The following WWOX variants were observed in gnomAD, a reference collection of about 807,000 sequenced individuals.
WWOX encodes WW domain-containing oxidoreductase.
WWOX carries 69 observed loss-of-function variants against 46.2 expected under a neutral mutation model. That is an observed-to-expected ratio of 1.49 (90% CI 1.23 to 1.82). The LOEUF (loss-of-function observed/expected upper bound fraction) is 1.82. Ranked by LOEUF, WWOX falls within the 40% of genes most tolerant of loss-of-function variation. WWOX has a pLI of 0.00. For synonymous variants in WWOX, 359 were observed against 202.6 expected, an observed-to-expected ratio of 1.77 and a Z score of -6.56; for missense variants, 919 against 542.6, an observed-to-expected ratio of 1.69 and a Z score of -6.89.
chr16:79,025,403 G>A (rs2047617926), intron 8 of WWOX, among the ~76,000 whole-genome samples: 1 of 152,196 alleles, frequency 6.6e-6, no homozygotes, highest in Non-Finnish European at 1.5e-5. Context: ...TCAAAACGAG[G>A]TCATCTTGGG....
At chr16:78,425,178 C>T (rs1368681882) in intron 7 of WWOX, 123 bp downstream of exon 7, 4 of 1,306,206 alleles carry the variant, frequency 3.1e-6, no homozygotes, top group Non-Finnish European at 4.3e-6. Flanking sequence ...GTGGACTCAG[C>T]TTGGCTCACT....
chr16:78,505,209 A>G (rs1440052647), intron 8 of WWOX, among the ~76,000 whole-genome samples: 1 of 152,164 alleles, frequency 6.6e-6, no homozygotes, highest in Non-Finnish European at 1.5e-5. Context: ...TCCCAAATGA[A>G]TTCTAATCGT....
intron 8 of WWOX, chr16:79,101,473 A>G (rs151025868): frequency 1.4e-4 from 22 of 152,278 alleles, no homozygotes; most frequent in African/African-American, 4.8e-4. Flanking sequence ...TTTGGGAGAG[A>G]TTCTTTCAAA....
intron 8 of WWOX, among the ~76,000 whole-genome samples, chr16:78,651,618 A>G (rs2046967673): frequency 2.0e-5 from 3 of 152,140 alleles, no homozygotes; most frequent in Non-Finnish European, 2.9e-5. Flanking sequence ...CCTCAGTGCT[A>G]TTGCTCACAC....
At chr16:78,534,494 C>T (rs1472136411) in intron 8 of WWOX, 1 of 152,148 alleles carries the variant, frequency 6.6e-6, no homozygotes, top group Admixed American at 6.5e-5. Context: ...CATCTCATTT[C>T]TGCCTTTAAA....
At chr16:79,081,153 G>T (rs972145312) in intron 8 of WWOX, among the ~76,000 whole-genome samples, 2 of 152,094 alleles carry the variant, frequency 1.3e-5, no homozygotes, top group African/African-American at 4.8e-5. Flanking sequence ...GGAGTGTGGG[G>T]TGCTGAGAGA....
chr16:79,044,600 A>G (rs1445044300), intron 8 of WWOX, among the ~76,000 whole-genome samples: 1 of 152,192 alleles, frequency 6.6e-6, no homozygotes, highest in Non-Finnish European at 1.5e-5. Context: ...AGCTGCCAGT[A>G]TCATGTTTCC....
At chr16:78,101,346 C>CTTTTT (rs71137871) in intron 1 of WWOX, among the ~76,000 whole-genome samples, 2,351 of 66,802 alleles carry the variant, frequency 0.035, 276 homozygotes, top group African/African-American at 0.1. Flanking sequence ...CGCTCCCGGC[C>CTTTTT]TTTTTTTTTT....
chr16:79,113,251 G>A (rs1390541242), intron 8 of WWOX, among the ~76,000 whole-genome samples: 18 of 152,224 alleles, frequency 1.2e-4, no homozygotes, highest in Admixed American at 3.9e-4. Context: ...AGCCATCCCA[G>A]GGTGCGTTAG....
At position 78,940,353 on chromosome 16, in the gene WWOX, A is replaced by T. The variant is rs552197234; in HGVS notation, c.1057-271255A>T. Among the ~76,000 whole-genome samples the T allele has an allele frequency of 3.9e-5, 6 of 152,336 alleles. No individual in the cohort carries two copies. In the East Asian group the frequency reaches 1.2e-3, roughly 29 times the overall value. Reference sequence around the variant, plus strand: ...ATAGAAGAAGAAAAATAAATATGCAAAACAGTGGTAGATTTTTAATGGGGT... The same window carrying T: ...ATAGAAGAAGAAAAATAAATATGCATAACAGTGGTAGATTTTTAATGGGGT... On this transcript the variant is annotated intron_variant, in intron 8 of 8. Coordinates refer to ENST00000566780, the MANE Select transcript of WWOX (RefSeq NM_016373.4).
At chr16:78,222,353 A>AT (rs2151798945) in intron 5 of WWOX, among the ~76,000 whole-genome samples, 1 of 151,604 alleles carries the variant, frequency 6.6e-6, no homozygotes, top group South Asian at 2.1e-4. Flanking sequence ...AGAAAAAAAA[A>AT]AAAAAAAGGA....
intron 5 of WWOX, among the ~76,000 whole-genome samples, chr16:78,316,150 C>A (rs2080352332): frequency 6.6e-6 from 1 of 152,108 alleles, no homozygotes; most frequent in Non-Finnish European, 1.5e-5. Flanking sequence ...GAGGCTGGGT[C>A]AGGAGAATCG....
chr16:78,835,965 C>G (rs971236471), intron 8 of WWOX, among the ~76,000 whole-genome samples: 1 of 152,148 alleles, frequency 6.6e-6, no homozygotes, highest in African/African-American at 2.4e-5. Context: ...ATGTTACTAC[C>G]TAAGCTGCCA....
At chr16:78,663,617 C>G (rs1044857281) in intron 8 of WWOX, among the ~76,000 whole-genome samples, 1 of 152,120 alleles carries the variant, frequency 6.6e-6, no homozygotes, top group Non-Finnish European at 1.5e-5. Context: ...TCCAATATCT[C>G]TTTATGGCAT....
At chr16:78,179,393 T>C (rs1357684238) in intron 5 of WWOX, among the ~76,000 whole-genome samples, 1 of 152,182 alleles carries the variant, frequency 6.6e-6, no homozygotes, top group East Asian at 1.9e-4. Flanking sequence ...AAGGACTTTC[T>C]GAGATCATCC....
intron 5 of WWOX, among the ~76,000 whole-genome samples, chr16:78,352,646 A>G (rs550807526): frequency 1.4e-4 from 21 of 152,362 alleles, no homozygotes; most frequent in African/African-American, 4.6e-4. Flanking sequence ...CCAATTAGCA[A>G]TCTTAATGCC....
intron 5 of WWOX, among the ~76,000 whole-genome samples, chr16:78,329,706 G>A (rs2080712408): frequency 6.6e-6 from 1 of 151,954 alleles, no homozygotes; most frequent in Non-Finnish European, 1.5e-5. Context: ...TACATGGGGA[G>A]GTCTGTTTTA....
intron 8 of WWOX, among the ~76,000 whole-genome samples, chr16:79,169,113 C>G (rs2050651203): frequency 6.6e-6 from 1 of 152,176 alleles, no homozygotes; most frequent in Non-Finnish European, 1.5e-5. Flanking sequence ...CTCCACTTCA[C>G]AATTCTGAAA....
chr16:78,814,415 C>G (rs370786668), intron 8 of WWOX, among the ~76,000 whole-genome samples: 10 of 152,084 alleles, frequency 6.6e-5, no homozygotes, highest in Admixed American at 5.9e-4. Context: ...TTTCTGTAAT[C>G]CTTACATCCC....
Sources: gnomAD v4.1 joint callset for allele counts (sites outside exome capture counted in the v4.1 genomes callset) on GRCh38, gnomAD v4.1.1 for gene constraint, MANE v1.5 for transcripts, NCBI Gene and HGNC (gene_info 2026-07-23, HGNC 2026-07-21) for gene names.